Variants in MGST2 observed in about 807,000 individuals in gnomAD.
The protein encoded by MGST2 is glutathione peroxidase MGST2.
In MGST2, 9 loss-of-function variants were observed where a neutral mutation model predicts 16.6. The ratio of observed to expected loss-of-function variants is 0.54; its 90% CI spans 0.33 to 0.95. MGST2 has a LOEUF of 0.95. Among genes scored for constraint, MGST2 ranks in the 40% least tolerant of loss-of-function variants. The pLI, the probability that MGST2 is intolerant of heterozygous loss-of-function variation, is 0.03. For synonymous variants in MGST2, 79 were observed against 68.0 expected, an observed-to-expected ratio of 1.16 and a Z score of -0.79; for missense variants, 159 against 175.1, an observed-to-expected ratio of 0.91 and a Z score of 0.52.
intron 2 of MGST2, 173 bp downstream of exon 2, chr4:139,678,815 C>A: frequency 1.5e-6 from 1 of 660,896 alleles, no homozygotes; most frequent in Non-Finnish European, 2.7e-6. Context: ...TTGAAGGGTT[C>A]GGGGCATGAA....
chr4:139,693,224 T>G (rs1271863053), intron 2 of MGST2, among the ~76,000 whole-genome samples: 1 of 151,642 alleles, frequency 6.6e-6, no homozygotes, highest in African/African-American at 2.4e-5. Flanking sequence ...GAGACCACGA[T>G]GAAACCCCGT....
downstream of MGST2, among the ~76,000 whole-genome samples, chr4:139,745,645 A>AGG (rs1172456519): frequency 2.7e-4 from 41 of 152,358 alleles, no homozygotes; most frequent in African/African-American, 9.4e-4. Context: ...CCCAGTCCAC[A>AGG]TGGCTACCAG....
intron 1 of MGST2, among the ~76,000 whole-genome samples, chr4:139,672,432 T>C (rs1433860112): frequency 6.6e-6 from 1 of 152,206 alleles, no homozygotes; most frequent in Non-Finnish European, 1.5e-5. Context: ...CCATGAGTCA[T>C]TGGCCTTTCC....
At chr4:139,704,619 C>A (rs8192113), downstream of MGST2, among the ~76,000 whole-genome samples, 7,106 of 152,140 alleles carry the variant, frequency 0.047, 249 homozygotes, top group East Asian at 0.18. Context: ...ACTGATAGCA[C>A]AAAACAAAAC....
At chr4:139,691,690 TGA>T (rs1560747894) in intron 2 of MGST2, among the ~76,000 whole-genome samples, 9,039 of 148,306 alleles carry the variant, frequency 0.061, 825 homozygotes, top group African/African-American at 0.21. Flanking sequence ...ATGATGATGA[TGA>T]TGATGATTAT....
Position 139,715,113 on chromosome 4 carries a change from G to A in MGST2, c.*48+10917G>A, listed in dbSNP as rs113958643. Among the ~76,000 whole-genome samples, 10,120 of 152,090 alleles carry A rather than the reference G, an allele frequency of 0.067. 410 individuals are homozygous for A. Among genetic ancestry groups the A allele is most frequent in the East Asian group, 0.098 (504 of 5,166 alleles). On this transcript the variant is annotated intron_variant, in intron 5 of 5. Transcript: ENST00000616265. This position sits in a 1 kb window ranked among gnomAD's most constrained non-coding sequence, Gnocchi z 4.4. ...TAAGTCGGGCCTCTAACCAGAGGTC[G>A]GTCAAGCATCCTTGCCTTTTATTAA...
At chr4:139,666,705 A>G (rs765932832) in intron 1 of MGST2, among the ~76,000 whole-genome samples, 2 of 152,176 alleles carry the variant, frequency 1.3e-5, no homozygotes, top group African/African-American at 4.8e-5. Context: ...TGCTCAATTC[A>G]TATTATCTTA....
the MGST2 span, among the ~76,000 whole-genome samples, chr4:139,752,703 A>G: frequency 1.3e-5 from 2 of 152,236 alleles, no homozygotes; most frequent in African/African-American, 4.8e-5. Flanking sequence ...GCATGTGTAC[A>G]GATAAGAAGA....
At chr4:139,666,214 G>GA in intron 1 of MGST2, 137 bp downstream of exon 1, 4 of 895,998 alleles carry the variant, frequency 4.5e-6, no homozygotes, top group Non-Finnish European at 7.2e-6. Context: ...AGGTAGCTCT[G>GA]GGTCCTCAGA....
chr4:139,730,752 C>A (rs148049902), intron 5 of MGST2: 11 of 1,286,664 alleles, frequency 8.5e-6, no homozygotes, highest in Non-Finnish European at 1.2e-5. Flanking sequence ...AAAAAGGGAA[C>A]GGGGCAGAAG....
chr4:139,680,292 A>G (rs953051863), intron 2 of MGST2, among the ~76,000 whole-genome samples: 2 of 152,190 alleles, frequency 1.3e-5, no homozygotes, highest in East Asian at 3.9e-4. Context: ...CTGTGGTTAC[A>G]TTTCCTTCTT....
At chr4:139,670,438 T>C (rs993828050) in intron 1 of MGST2, among the ~76,000 whole-genome samples, 2 of 152,220 alleles carry the variant, frequency 1.3e-5, no homozygotes, top group African/African-American at 2.4e-5. Flanking sequence ...GCAGGAATTA[T>C]AGGCAAAGAC....
At chr4:139,718,944 A>C (rs1432787822) in intron 5 of MGST2, 1 of 184,334 alleles carries the variant, frequency 5.4e-6, no homozygotes, top group Non-Finnish European at 1.1e-5. Flanking sequence ...GACCTGGGGC[A>C]GGAGGGGCTG....
intron 5 of MGST2, chr4:139,720,353 C>T: frequency 5.3e-6 from 8 of 1,505,646 alleles, no homozygotes; most frequent in Non-Finnish European, 7.1e-6. Context: ...ACATACCACT[C>T]ACTCTTCTCC....
At chr4:139,731,595 C>T (rs377744516) in intron 5 of MGST2, among the ~76,000 whole-genome samples, 1 of 151,886 alleles carries the variant, frequency 6.6e-6, no homozygotes, top group African/African-American at 2.4e-5. Flanking sequence ...CCAGCCTGGG[C>T]GACAGAGTGA....
At chr4:139,689,993 TA>T (rs997659220) in intron 2 of MGST2, among the ~76,000 whole-genome samples, 1 of 152,084 alleles carries the variant, frequency 6.6e-6, no homozygotes, top group Non-Finnish European at 1.5e-5. Flanking sequence ...ATCCTTTAAT[TA>T]AAAAAAATTT....
chr4:139,690,984 T>C (rs926390217), intron 2 of MGST2, among the ~76,000 whole-genome samples: 3 of 152,232 alleles, frequency 2.0e-5, no homozygotes, highest in Non-Finnish European at 4.4e-5. Context: ...CCAGTTCTTC[T>C]GGGTCTTACC....
At chr4:139,748,732 G>A in the MGST2 span, among the ~76,000 whole-genome samples, 4 of 146,038 alleles carry the variant, frequency 2.7e-5, no homozygotes, top group African/African-American at 5.2e-5. Flanking sequence ...CAGTCTGAAT[G>A]CAACTAGCTT....
chr4:139,723,659 T>C (rs890392068), intron 5 of MGST2, among the ~76,000 whole-genome samples: 2 of 152,204 alleles, frequency 1.3e-5, no homozygotes, highest in African/African-American at 4.8e-5. Flanking sequence ...ATAGCTCATA[T>C]GTGTCTATGT....
Sources: gnomAD v4.1 joint callset for allele counts (sites outside exome capture counted in the v4.1 genomes callset) on GRCh38, gnomAD v4.1.1 for gene constraint, Gnocchi (gnomAD v3.1) non-coding constraint, MANE v1.5 for transcripts, NCBI Gene and HGNC (gene_info 2026-07-23, HGNC 2026-07-21) for gene names.